Variants in BCL7B observed in about 807,000 individuals in gnomAD.
The protein encoded by BCL7B is BAF chromatin remodeling complex subunit BCL7B, also known as B-cell CLL/lymphoma 7 protein family member B.
BCL7B carries 11 observed loss-of-function variants against 26.5 expected under a neutral mutation model. The observed-to-expected ratio is 0.42, with a 90% CI of 0.26 to 0.69. The LOEUF is 0.69. Ranked by LOEUF, BCL7B falls within the 30% of genes least tolerant of loss-of-function variation. The pLI, the probability that BCL7B is intolerant of heterozygous loss-of-function variation, is 0.28. For missense variants in BCL7B, 215 were observed against 264.4 expected, an observed-to-expected ratio of 0.81 and a Z score of 1.30; for synonymous variants, 111 against 107.9, an observed-to-expected ratio of 1.03 and a Z score of -0.18.
At chr7:73,550,196 T>C (rs1195302229) in intron 2 of BCL7B, among the ~76,000 whole-genome samples, 1 of 152,114 alleles carries the variant, frequency 6.6e-6, no homozygotes, top group East Asian at 1.9e-4. Context: ...GAAAATGCAA[T>C]GCATGAGTCA....
chr7:73,554,911 C>T (rs1554584566), intron 1 of BCL7B, among the ~76,000 whole-genome samples: 1 of 151,924 alleles, frequency 6.6e-6, no homozygotes, highest in East Asian at 1.9e-4. Flanking sequence ...GAACAGACCA[C>T]TCCATTTTCT....
intron 1 of BCL7B, chr7:73,557,236 T>TC (rs1196208501): frequency 3.7e-6 from 4 of 1,085,048 alleles, no homozygotes; most frequent in Non-Finnish European, 4.5e-6. Flanking sequence ...GAAGCCGGAA[T>TC]CCCCTCCCAG....
chr7:73,553,133 G>T (rs1792241055), intron 1 of BCL7B, among the ~76,000 whole-genome samples: 1 of 126,984 alleles, frequency 7.9e-6, no homozygotes, highest in South Asian at 2.2e-4. Flanking sequence ...GGGTGGGGGT[G>T]GGGGGTCTCT....
chr7:73,537,887 T>C (rs782517502), intron 5 of BCL7B, 47 bp downstream of exon 5: 7 of 1,470,784 alleles, frequency 4.8e-6, no homozygotes, highest in Admixed American at 2.0e-5. Flanking sequence ...AGACCCTGCC[T>C]TAAACCAAAA....
At chr7:73,543,240 A>G (rs111778406) in intron 3 of BCL7B, among the ~76,000 whole-genome samples, 8,797 of 151,808 alleles carry the variant, frequency 0.058, 271 homozygotes, top group African/African-American at 0.066. Flanking sequence ...GCAGTGGCGC[A>G]ATCTCGGCTC....
At chr7:73,538,674 C>T (rs148636112) in intron 4 of BCL7B, among the ~76,000 whole-genome samples, 1,862 of 151,826 alleles carry the variant, frequency 0.012, 37 homozygotes, top group African/African-American at 0.043. Flanking sequence ...GAAAGCCAGG[C>T]ATGGTGGCAA....
At chr7:73,546,470 C>G (rs1791961218) in intron 2 of BCL7B, among the ~76,000 whole-genome samples, 1 of 151,978 alleles carries the variant, frequency 6.6e-6, no homozygotes, top group South Asian at 2.1e-4. Context: ...AGTTCGAGAC[C>G]AGCCTAGCCA....
intron 3 of BCL7B, chr7:73,540,522 T>C (rs555402419): frequency 8.5e-5 from 14 of 164,438 alleles, no homozygotes; most frequent in South Asian, 8.1e-4. Flanking sequence ...ACCATCAAGG[T>C]GCAAAACTTA....
chr7:73,552,094 A>G (rs1554584214), intron 2 of BCL7B, 73 bp downstream of exon 2: 1 of 693,520 alleles, frequency 1.4e-6, no homozygotes, highest in Non-Finnish European at 2.1e-6. Flanking sequence ...CTCCGTCCCA[A>G]AAAAAAAAAA....
At chr7:73,546,730 T>C (rs1473590401) in intron 2 of BCL7B, among the ~76,000 whole-genome samples, 3 of 151,442 alleles carry the variant, frequency 2.0e-5, no homozygotes, top group Non-Finnish European at 2.9e-5. Context: ...AAAAATACAA[T>C]TGCTCAAATA....
chr7:73,545,224 G>GT (rs1373596094), intron 2 of BCL7B, among the ~76,000 whole-genome samples: 3 of 151,884 alleles, frequency 2.0e-5, no homozygotes, highest in African/African-American at 7.3e-5. Flanking sequence ...TTTTTTGTTT[G>GT]TTTTTTGAGA....
At chr7:73,541,422 C>T (rs1205427645) in intron 3 of BCL7B, among the ~76,000 whole-genome samples, 3 of 151,808 alleles carry the variant, frequency 2.0e-5, no homozygotes, top group African/African-American at 7.3e-5. Flanking sequence ...CTAAACCCTT[C>T]GACGCTCCAC....
At chr7:73,538,598 GA>G (rs1791629833) in intron 4 of BCL7B, among the ~76,000 whole-genome samples, 1 of 151,866 alleles carries the variant, frequency 6.6e-6, no homozygotes, top group Non-Finnish European at 1.5e-5. Flanking sequence ...AGGATCACTT[GA>G]AGCCCAGGAG....
Position 73,539,967 on chromosome 7 carries a change from C to T in BCL7B, c.351G>A (p.Gln117=), listed in dbSNP as rs369849258. 35 of 1,613,958 alleles carry T rather than the reference C, an allele frequency of 2.2e-5. No individual in the cohort carries two copies. In the African/African-American group the frequency reaches 3.9e-4, roughly 18 times the overall value. ...TGTGTGCTGGGCTCAGGGACTCACTCTGCTGGGGGCTGGGGCTTGAGTTGG... is the reference window on the plus strand; with the variant it reads ...TGTGTGCTGGGCTCAGGGACTCACTTTGCTGGGGGCTGGGGCTTGAGTTGG... ...SSTNSSPSPQ[Q]SESLSPAHTS... is the part of the protein sequence containing the mutation. Residue 117 remains glutamine (Q), a synonymous_variant, in exon 4 of 6, where the codon CAG becomes CAA. Coordinates refer to ENST00000223368, the MANE Select transcript of BCL7B (RefSeq NM_001707.4).
At chr7:73,552,285 G>C (rs782503115) in intron 1 of BCL7B, 43 bp from the exon 2 acceptor site, 2 of 1,475,472 alleles carry the variant, frequency 1.4e-6, no homozygotes, top group African/African-American at 1.4e-5. Context: ...ACAATGCAAT[G>C]TGTTTTCTGT....
chr7:73,540,536 G>C (rs1299872441), intron 3 of BCL7B: 3 of 160,808 alleles, frequency 1.9e-5, no homozygotes, highest in African/African-American at 7.2e-5. Flanking sequence ...AAACTTAAGA[G>C]TTACCAGGCC....
chr7:73,537,802 T>C (rs1791597812), intron 5 of BCL7B, 132 bp downstream of exon 5: 3 of 596,008 alleles, frequency 5.0e-6, no homozygotes, highest in Middle Eastern at 2.7e-4. Context: ...ACAGGAGAAT[T>C]GCTTGAACCC....
At chr7:73,556,968 G>A in intron 1 of BCL7B, 1 of 988,828 alleles carries the variant, frequency 1.0e-6, no homozygotes, top group Non-Finnish European at 1.2e-6. Context: ...GGTTACTGGG[G>A]GAAAGGGAGG....
At chr7:73,539,158 C>T (rs1791655403) in intron 4 of BCL7B, among the ~76,000 whole-genome samples, 1 of 152,028 alleles carries the variant, frequency 6.6e-6, no homozygotes, top group Admixed American at 6.6e-5. Flanking sequence ...TGGGGTTTCA[C>T]CATGTTGGTC....
Sources: gnomAD v4.1 joint callset for allele counts (sites outside exome capture counted in the v4.1 genomes callset) on GRCh38, gnomAD v4.1.1 for gene constraint, MANE v1.5 for transcripts, NCBI Gene and HGNC (gene_info 2026-07-23, HGNC 2026-07-21) for gene names.